The following CEP85L variants were observed in gnomAD, a reference collection of about 807,000 sequenced individuals.
CEP85L encodes centrosomal protein of 85 kDa-like.
Under a neutral mutation model 100.3 loss-of-function variants are expected in CEP85L, and 60 were observed. The observed-to-expected ratio is 0.60, with a 90% CI of 0.49 to 0.74. The LOEUF (loss-of-function observed/expected upper bound fraction) is 0.74, where lower values mean the gene tolerates loss of function less well. CEP85L is among the 30% of genes least tolerant of loss of function. CEP85L has a pLI of 0.00. For missense variants in CEP85L, 973 were observed against 936.2 expected, an observed-to-expected ratio of 1.04 and a Z score of -0.51; for synonymous variants, 319 against 322.7, an observed-to-expected ratio of 0.99 and a Z score of 0.12.
At chr6:118,489,500 T>G (rs1397777691) in intron 6 of CEP85L, among the ~76,000 whole-genome samples, 1 of 152,166 alleles carries the variant, frequency 6.6e-6, no homozygotes, top group South Asian at 2.1e-4. Context: ...AATCCACACA[T>G]GCTCAATTCC....
At chr6:118,546,071 T>C (rs1024457848) in intron 3 of CEP85L, among the ~76,000 whole-genome samples, 2 of 152,088 alleles carry the variant, frequency 1.3e-5, no homozygotes, top group East Asian at 3.9e-4. Context: ...TCATTAATAC[T>C]CCTATTAAAC....
At position 118,566,069 on chromosome 6, in the gene CEP85L, G is replaced by A; in HGVS notation, c.480C>T (p.Ser160=). 1 of 1,614,170 alleles carries A rather than the reference G, an allele frequency of 6.2e-7. No homozygotes were observed. The highest frequency in any genetic ancestry group is 8.5e-7 in the Non-Finnish European group (1 of 1,180,034). Residue 160 remains serine, a synonymous_variant, in exon 3 of 13, where the codon TCC becomes TCT. Transcript: ENST00000368491. ...CACAGTTATCCGGGGCAGTGAGTTT[G>A]GATAAAGATGACCATTTCCGAAGTG... is the stretch of plus-strand genomic sequence containing the variant. ...FRPLRKWSSL[S]KLTAPDNCGQ... is the part of the protein sequence containing the mutation.
intron 2 of CEP85L, among the ~76,000 whole-genome samples, chr6:118,598,757 T>C (rs573501366): frequency 6.6e-6 from 1 of 152,338 alleles, no homozygotes; most frequent in African/African-American, 2.4e-5. Flanking sequence ...TTAAGTCCTC[T>C]AGTTTGTGGT....
intron 2 of CEP85L, among the ~76,000 whole-genome samples, chr6:118,629,132 T>C (rs1773984925): frequency 1.3e-5 from 2 of 152,056 alleles, no homozygotes; most frequent in Non-Finnish European, 2.9e-5. Context: ...CTAGAGATGA[T>C]TTAAAGTATA....
chr6:118,689,271 T>C (rs944731857), intron 1 of CEP85L, among the ~76,000 whole-genome samples: 2 of 152,234 alleles, frequency 1.3e-5, no homozygotes, highest in East Asian at 3.8e-4. Context: ...TATTTCAAGT[T>C]AAATTCTGAG....
intron 3 of CEP85L, among the ~76,000 whole-genome samples, chr6:118,551,240 CTG>C (rs1778523994): frequency 6.6e-6 from 1 of 151,654 alleles, no homozygotes; most frequent in Non-Finnish European, 1.5e-5. Flanking sequence ...AAAATGAAGC[CTG>C]GATGTACAGC....
upstream of CEP85L, chr6:118,656,631 A>AT (rs1388816789): frequency 6.6e-6 from 1 of 152,068 alleles, no homozygotes; most frequent in African/African-American, 2.4e-5. Context: ...ATTTAATTTT[A>AT]TTTTTTATTG....
rs536236495 is a variant in CEP85L at position 118,495,921 on chromosome 6, TA to T, written c.1258-4057del. Among the ~76,000 whole-genome samples, 57 of 152,368 alleles carry T rather than the reference TA, an allele frequency of 3.7e-4. No individual in the cohort carries two copies. The East Asian group carries it at 0.011, about 28-fold the overall frequency. On this transcript the variant is annotated intron_variant, in intron 5 of 12. Coordinates refer to ENST00000368491, the MANE Select transcript of CEP85L (RefSeq NM_001042475.3). ...GGCAACAAGGCTTGCTTTTGTGTGA[TA>T]TATTTTCAGAAGGATGTGCAAGAGG...
intron 10 of CEP85L, among the ~76,000 whole-genome samples, chr6:118,471,120 G>C (rs1223868751): frequency 6.6e-6 from 1 of 151,914 alleles, no homozygotes. Flanking sequence ...GTCTTTCATT[G>C]TATAGTAATC....
intron 1 of CEP85L, among the ~76,000 whole-genome samples, chr6:118,699,836 A>C (rs200337497): frequency 6.6e-6 from 1 of 152,144 alleles, no homozygotes; most frequent in Admixed American, 6.5e-5. Flanking sequence ...CGGGGACTAC[A>C]GGCACGCACC....
At chr6:118,614,856 AC>A (rs1415098973) in intron 2 of CEP85L, among the ~76,000 whole-genome samples, 2 of 143,772 alleles carry the variant, frequency 1.4e-5, no homozygotes, top group African/African-American at 5.6e-5. Context: ...TCATAGACAG[AC>A]AGACAGACAG....
At chr6:118,601,518 A>C (rs902105973) in intron 2 of CEP85L, among the ~76,000 whole-genome samples, 1 of 152,226 alleles carries the variant, frequency 6.6e-6, no homozygotes, top group African/African-American at 2.4e-5. Context: ...AAATATTTGA[A>C]ATGATATACA....
chr6:118,597,072 GA>G (rs1781495475), intron 2 of CEP85L, among the ~76,000 whole-genome samples: 1 of 151,882 alleles, frequency 6.6e-6, no homozygotes, highest in African/African-American at 2.4e-5. Flanking sequence ...CCCTTTGCTC[GA>G]AACTTCTCTC....
At position 118,481,876 on chromosome 6, in the gene CEP85L, T is replaced by C; in HGVS notation, c.1648A>G (p.Lys550Glu). Residue 550 changes from lysine to glutamate, a missense_variant, in exon 8 of 13, where the codon AAA (lysine) becomes GAA (glutamate). Physicochemically the swap from Lys to Glu is moderately conservative, Grantham distance 56. Around this residue, in one of 3 missense-constraint regions of CEP85L, gnomAD observed 890 missense variants for 844.5 expected, o/e 1.05. Transcript: ENST00000368491. ...NLQEALIDTE[K>E]KLEEIKKQCQ... The stretch of plus-strand genomic sequence containing the variant: ...TGCTTTTTGATCTCTTCAAGTTTTT[T>C]TTCTGTATCTATCAAAGCCTCTTGT... 6.3e-7 allele frequency: 1 copy of C among 1,592,442 alleles called. No individual in the cohort carries two copies. The highest frequency in any genetic ancestry group is 8.6e-7 in the Non-Finnish European group (1 of 1,167,198).
chr6:118,515,055 C>T (rs1446055984), intron 4 of CEP85L, among the ~76,000 whole-genome samples: 1 of 151,888 alleles, frequency 6.6e-6, no homozygotes, highest in Non-Finnish European at 1.5e-5. Context: ...AAGTGATCTT[C>T]CCGCCTCAAC....
At chr6:118,543,533 C>G (rs373421287) in intron 3 of CEP85L, among the ~76,000 whole-genome samples, 1 of 152,140 alleles carries the variant, frequency 6.6e-6, no homozygotes, top group African/African-American at 2.4e-5. Context: ...TCAGATTTAT[C>G]TGACTTTTCT....
rs183107610 is a variant in CEP85L at position 118,478,677 on chromosome 6, T to C, written c.1914+1194A>G. Among the ~76,000 whole-genome samples, 27 of 152,306 alleles carry C rather than the reference T, an allele frequency of 1.8e-4. No individual in the cohort carries two copies. The East Asian group carries it at 5.0e-3, about 28-fold the overall frequency. ...TTCTCTACATAGTTTGAATAAAAGATTTGTGTTTGCTGAAACAATTTAGTA... is the reference window on the plus strand; with the variant it reads ...TTCTCTACATAGTTTGAATAAAAGACTTGTGTTTGCTGAAACAATTTAGTA... On this transcript the variant is annotated intron_variant, in intron 10 of 12. Coordinates refer to ENST00000368491, the MANE Select transcript of CEP85L (RefSeq NM_001042475.3).
chr6:118,670,733 T>G (rs1477681055), intron 1 of CEP85L, among the ~76,000 whole-genome samples: 1 of 152,206 alleles, frequency 6.6e-6, no homozygotes, highest in Non-Finnish European at 1.5e-5. Context: ...GTGGTACTAT[T>G]GCAGCAGAAA....
intron 1 of CEP85L, among the ~76,000 whole-genome samples, chr6:118,676,613 A>G (rs1776492487): frequency 6.6e-6 from 1 of 152,208 alleles, no homozygotes; most frequent in South Asian, 2.1e-4. Context: ...TTACTTCCGT[A>G]TCTTTACTAT....
Sources: gnomAD v4.1 joint callset for allele counts (sites outside exome capture counted in the v4.1 genomes callset) on GRCh38, gnomAD v4.1.1 for gene constraint, gnomAD v4.1.1 regional missense constraint, MANE v1.5 for transcripts, NCBI Gene and HGNC (gene_info 2026-07-23, HGNC 2026-07-21) for gene names.